USP13: variants seen among roughly 807,000 people sequenced by gnomAD.
USP13 encodes ubiquitin specific peptidase 13.
Under a neutral mutation model 107.8 loss-of-function variants are expected in USP13, and 68 were observed. That is an observed-to-expected ratio of 0.63 (90% CI 0.52 to 0.77). The LOEUF (loss-of-function observed/expected upper bound fraction) is 0.77, where lower values mean the gene tolerates loss of function less well. USP13 is among the 30% of genes least tolerant of loss of function. The pLI is 0.00. For synonymous variants in USP13, 377 were observed against 389.5 expected (o/e 0.97, Z 0.38); for missense variants, 945 against 1,093.3 (o/e 0.86, Z 1.91).
intron 16 of USP13, among the ~76,000 whole-genome samples, chr3:179,760,531 C>T (rs930614170): frequency 7.2e-5 from 11 of 152,206 alleles, no homozygotes; most frequent in Non-Finnish European, 2.9e-5. Context: ...AATCCGCCCG[C>T]CTCGGCCTCC....
chr3:179,738,179 G>A (rs1714060058), intron 10 of USP13, among the ~76,000 whole-genome samples: 1 of 152,222 alleles, frequency 6.6e-6, no homozygotes, highest in African/African-American at 2.4e-5. Flanking sequence ...CAGGCTGAAA[G>A]TTAAAGAAGG....
At chr3:179,713,291 TGCAGA>T (rs1712992683) in intron 6 of USP13, among the ~76,000 whole-genome samples, 1 of 151,826 alleles carries the variant, frequency 6.6e-6, no homozygotes, top group Non-Finnish European at 1.5e-5. Context: ...GCGAATATTG[TGCAGA>T]GTCAGTTTTA....
intron 13 of USP13, 143 bp downstream of exon 13, chr3:179,745,360 C>T: frequency 9.6e-7 from 1 of 1,038,158 alleles, no homozygotes; most frequent in Non-Finnish European, 1.4e-6. Context: ...TTCACACACC[C>T]TAACTGTCGT....
intron 15 of USP13, among the ~76,000 whole-genome samples, chr3:179,755,302 T>G (rs1258397543): frequency 6.6e-6 from 1 of 152,010 alleles, no homozygotes; most frequent in Admixed American, 6.5e-5. Context: ...ACATAACATT[T>G]TTTTTTTTTT....
At chr3:179,751,675 A>G (rs1714615490) in intron 13 of USP13, among the ~76,000 whole-genome samples, 1 of 152,246 alleles carries the variant, frequency 6.6e-6, no homozygotes, top group African/African-American at 2.4e-5. Flanking sequence ...TTTCAGAAAT[A>G]TAGAACACCA....
intron 8 of USP13, among the ~76,000 whole-genome samples, chr3:179,729,267 A>T (rs1713706396): frequency 1.3e-5 from 2 of 152,122 alleles, no homozygotes; most frequent in South Asian, 2.1e-4. Context: ...ACTTAATGGG[A>T]TTACTGCTGA....
chr3:179,671,486 A>G (rs899178978), intron 1 of USP13, among the ~76,000 whole-genome samples: 3 of 152,220 alleles, frequency 2.0e-5, no homozygotes, highest in Admixed American at 1.3e-4. Context: ...ATGCTGAGAT[A>G]ACAACATACG....
chr3:179,767,283 G>A (rs890562785), intron 19 of USP13, among the ~76,000 whole-genome samples: 23 of 152,122 alleles, frequency 1.5e-4, no homozygotes, highest in African/African-American at 5.6e-4. Context: ...CATTTTACAG[G>A]TGAAGAACCT....
intron 16 of USP13, among the ~76,000 whole-genome samples, chr3:179,757,996 G>A (rs1714863419): frequency 6.6e-6 from 1 of 152,132 alleles, no homozygotes; most frequent in Admixed American, 6.5e-5. Flanking sequence ...AGCATTTATT[G>A]TTCCATAAAT....
At position 179,689,670 on chromosome 3, in the gene USP13, C is replaced by CA. The variant is rs199539426; in HGVS notation, c.295-562dup. 4.9e-4 allele frequency among the ~76,000 whole-genome samples: 72 copies of CA among 148,018 alleles called. No homozygotes were observed. In the East Asian group the frequency reaches 7.5e-3, roughly 15 times the overall value. On this transcript the variant is annotated intron_variant, in intron 2 of 20. Transcript: ENST00000263966. ...GAGACTCCATCTCAAAAAAAAAAGC[C>CA]AAAAAAAAAGAAAATACACGATGCT...
At chr3:179,728,716 C>A (rs35304594) in intron 8 of USP13, among the ~76,000 whole-genome samples, 60,075 of 151,948 alleles carry the variant, frequency 0.4, 14,464 homozygotes, top group Non-Finnish European at 0.53. Context: ...GAAGGAGACT[C>A]CGTCTGCAAT....
chr3:179,768,785 AG>A (rs1310206023), intron 19 of USP13, among the ~76,000 whole-genome samples: 3 of 152,174 alleles, frequency 2.0e-5, no homozygotes. Context: ...TTCTATATAG[AG>A]GGGTTGGCAG....
chr3:179,757,872 T>C (rs1714859938), intron 16 of USP13, among the ~76,000 whole-genome samples: 1 of 152,212 alleles, frequency 6.6e-6, no homozygotes, highest in African/African-American at 2.4e-5. Flanking sequence ...TGCCATGATC[T>C]TCACATGCAA....
At chr3:179,701,674 TC>T (rs1418127439) in intron 4 of USP13, among the ~76,000 whole-genome samples, 4 of 152,244 alleles carry the variant, frequency 2.6e-5, no homozygotes, top group Admixed American at 2.6e-4. Flanking sequence ...AAGTGAACCT[TC>T]TTTTCAGTTT....
chr3:179,684,042 C>T (rs1711768785), intron 2 of USP13, among the ~76,000 whole-genome samples: 1 of 151,720 alleles, frequency 6.6e-6, no homozygotes. Flanking sequence ...CTCACTGCAA[C>T]CTCGGCCTCC....
At chr3:179,762,891 A>C (rs903144120) in intron 17 of USP13, among the ~76,000 whole-genome samples, 3 of 152,166 alleles carry the variant, frequency 2.0e-5, no homozygotes, top group African/African-American at 7.2e-5. Context: ...CCATATCATC[A>C]CTAACCCTTA....
intron 1 of USP13, among the ~76,000 whole-genome samples, chr3:179,656,454 A>T (rs1454031497): frequency 6.6e-6 from 1 of 152,234 alleles, no homozygotes; most frequent in African/African-American, 2.4e-5. Context: ...TTTGTGGGAT[A>T]TGAGTAGTGT....
At chr3:179,656,205 T>C (rs1424001501) in intron 1 of USP13, among the ~76,000 whole-genome samples, 1 of 152,230 alleles carries the variant, frequency 6.6e-6, no homozygotes, top group Admixed American at 6.5e-5. Flanking sequence ...TGTAATGTAT[T>C]TGGAATAAAA....
intron 5 of USP13, 149 bp downstream of exon 5, chr3:179,707,225 C>G (rs1712754015): frequency 7.8e-6 from 9 of 1,156,596 alleles, no homozygotes; most frequent in Non-Finnish European, 9.5e-6. Context: ...CTAAAATTGT[C>G]TGTAGCTTTG....
Sources: gnomAD v4.1 joint callset for allele counts (sites outside exome capture counted in the v4.1 genomes callset) on GRCh38, gnomAD v4.1.1 for gene constraint, MANE v1.5 for transcripts, NCBI Gene and HGNC (gene_info 2026-07-23, HGNC 2026-07-21) for gene names.